LRATD1: variants seen among roughly 807,000 people sequenced by gnomAD.
LRATD1 encodes the protein protein LRATD1.
LRATD1 carries 8 observed loss-of-function variants against 21.3 expected under a neutral mutation model. The ratio of observed to expected loss-of-function variants is 0.38; its 90% CI spans 0.22 to 0.68. The LOEUF (loss-of-function observed/expected upper bound fraction) is 0.68, where lower values mean the gene tolerates loss of function less well. LRATD1 is among the 30% of genes least tolerant of loss of function. The probability of loss-of-function intolerance (pLI) is 0.54; values close to 1 mark genes in which losing one functional copy is unlikely to be tolerated. For missense variants in LRATD1, 380 were observed against 404.0 expected (o/e 0.94, Z 0.51); for synonymous variants, 210 against 186.2 (o/e 1.13, Z -1.04).
At chr2:14,643,626 T>C (rs994586821), downstream of LRATD1, among the ~76,000 whole-genome samples, 10 of 152,196 alleles carry the variant, frequency 6.6e-5, no homozygotes, top group African/African-American at 1.9e-4. Flanking sequence ...GTAAAAGTCC[T>C]CCTCATCCAG....
downstream of LRATD1, among the ~76,000 whole-genome samples, chr2:14,642,731 G>T (rs543147526): frequency 6.6e-6 from 1 of 152,074 alleles, no homozygotes; most frequent in Admixed American, 6.6e-5. Context: ...TTTGATTGAC[G>T]GTTGGACCTC....
intron 2 of LRATD1, among the ~76,000 whole-genome samples, chr2:14,645,105 T>C (rs1258161924): frequency 1.3e-5 from 2 of 152,312 alleles, no homozygotes; most frequent in East Asian, 1.9e-4. Flanking sequence ...ATATAAATAA[T>C]TGAATTTCTT....
In LRATD1 at chr2:14,639,103, T is replaced by TACACACAC. The variant is rs34456742; in HGVS notation, c.*4263_*4270dup. Reference sequence around the variant, plus strand: ...ATAGCTAGCAATTATTTCATTCAGATACACACACACACACACACACACACA... The same window carrying TACACACAC: ...ATAGCTAGCAATTATTTCATTCAGATACACACACACACACACACACACACACACACACA... On this transcript the variant is annotated 3_prime_UTR_variant, in exon 2 of 2. Transcript: ENST00000295092. 1.9e-5 allele frequency: 3 copies of TACACACAC among 159,678 alleles called. No individual in the cohort carries two copies. Among genetic ancestry groups the TACACACAC allele is most frequent in the African/African-American group, 7.5e-5 (3 of 40,258 alleles). The allele number at this position is 159,678 out of a possible 1,614,324, so 9.9% of individuals were successfully genotyped here. A position where few individuals can be genotyped will look rare whatever the true frequency, so the allele number is the denominator to read the frequency against.
rs370916643 is a variant in LRATD1 at position 14,634,237 on chromosome 2, T to C, written c.258T>C (p.Phe86=). 74 of 1,611,826 alleles carry C rather than the reference T, an allele frequency of 4.6e-5. No individual in the cohort carries two copies. Among genetic ancestry groups the C allele is most frequent in the Non-Finnish European group, 5.4e-5 (64 of 1,179,858 alleles). The change falls in exon 2 of 2, where the codon TTT becomes TTC. Residue 86 remains phenylalanine, a synonymous_variant. Transcript: ENST00000295092. The part of the protein sequence containing the change: ...LHQLVLNETQ[F]SAFRGQECIF... ...AGCTGGTCCTCAACGAGACTCAGTT[T>C]TCCGCCTTTCGGGGCCAGGAATGCA...
rs151113082 is a variant in LRATD1, at chr2:14,634,677, C to T, written c.698C>T (p.Pro233Leu). Residue 233 changes from proline to leucine, a missense_variant, in exon 2 of 2, where the codon CCG becomes CTG. Transcript: ENST00000295092. ...GAGTTCAAGGCGGGAGGGGAGGTGCCGGCAGGCACGCAGCCCCCGCAGCAG... is the reference window on the plus strand; with the variant it reads ...GAGTTCAAGGCGGGAGGGGAGGTGCTGGCAGGCACGCAGCCCCCGCAGCAG... ...KREFKAGGEV[P>L]AGTQPPQQQY... The T allele has an allele frequency of 3.2e-6, 5 of 1,548,672 alleles. No homozygotes were observed. Among genetic ancestry groups the T allele is most frequent in the Non-Finnish European group, 4.4e-6 (5 of 1,146,226 alleles).
chr2:14,646,995 T>C (rs776659903), intron 4 of LRATD1, among the ~76,000 whole-genome samples: 1 of 152,196 alleles, frequency 6.6e-6, no homozygotes, highest in Non-Finnish European at 1.5e-5. Flanking sequence ...GAAAGGACAT[T>C]GGACTTGAAA....
Position 14,634,939 on chromosome 2 carries a change from G to C in LRATD1, c.*81G>C, listed in dbSNP as rs1428752300. On this transcript the variant is annotated 3_prime_UTR_variant, in exon 2 of 2. Coordinates refer to ENST00000295092, the MANE Select transcript of LRATD1 (RefSeq NM_145175.4). Reference sequence around the variant, plus strand: ...CCCGCACCCGGACTTCGCAGTCAGCGGTTCTCAACCTCTGCCCCGCCCCGC... The same window carrying C: ...CCCGCACCCGGACTTCGCAGTCAGCCGTTCTCAACCTCTGCCCCGCCCCGC... 2.7e-6 allele frequency: 4 copies of C among 1,484,418 alleles called. No homozygotes were observed. The highest frequency in any genetic ancestry group is 2.5e-5 in the East Asian group (1 of 40,580). The allele number at this position is 1,484,418 out of a possible 1,614,324, so 92.0% of individuals were successfully genotyped here. A position where few individuals can be genotyped will look rare whatever the true frequency, so the allele number is the denominator to read the frequency against.
In LRATD1 at chr2:14,634,455, G is replaced by T; in HGVS notation, c.476G>T (p.Gly159Val). The T allele has an allele frequency of 6.6e-7, 1 of 1,521,830 alleles. No individual in the cohort carries two copies. The highest frequency in any genetic ancestry group is 8.8e-7 in the Non-Finnish European group (1 of 1,137,358). The allele number at this position is 1,521,830 out of a possible 1,614,324, so 94.3% of individuals were successfully genotyped here. ...GGGCAGATCATCCACCTGCACCAAG[G>T]CGAGATCCGCCAGGACAGCCTGTAT... ...GGGQIIHLHQ[G>V]EIRQDSLYEA... Residue 159 changes from glycine to valine, a missense_variant, in exon 2 of 2, where the codon GGC becomes GTC. Physicochemically the swap from Gly to Val is moderately radical, Grantham distance 109. Coordinates refer to ENST00000295092, the MANE Select transcript of LRATD1 (RefSeq NM_145175.4).
In LRATD1 at chr2:14,638,789, T is replaced by G. The variant is rs1671746931; in HGVS notation, c.*3931T>G. The G allele has an allele frequency of 6.0e-6, 1 of 166,982 alleles. No individual in the cohort carries two copies. The highest frequency in any genetic ancestry group is 2.1e-4 in the South Asian group (1 of 4,828). 10.3% of individuals were successfully genotyped at this position (166,982 alleles called of 1,614,324 possible). ...CTCTTTTTTGAACAAATGAAGAGAA[T>G]CCAGTTAGTTTTTGCCTTTCAGAGG... On this transcript the variant is annotated 3_prime_UTR_variant, in exon 2 of 2. Coordinates refer to ENST00000295092, the MANE Select transcript of LRATD1 (RefSeq NM_145175.4).
At chr2:14,643,077 C>T (rs1410798021), downstream of LRATD1, among the ~76,000 whole-genome samples, 9 of 152,194 alleles carry the variant, frequency 5.9e-5, no homozygotes, top group South Asian at 4.1e-4. Flanking sequence ...ATTTGGGATT[C>T]GAAATCCAGG....
Position 14,633,251 on chromosome 2 carries a change from G to C in LRATD1, c.-37+314G>C, listed in dbSNP as rs74742552. 6.6e-6 allele frequency among the ~76,000 whole-genome samples: 1 copy of C among 152,150 alleles called. No individual in the cohort carries two copies. The highest frequency in any genetic ancestry group is 1.5e-5 in the Non-Finnish European group (1 of 68,036). On this transcript the variant is annotated intron_variant, in intron 1 of 1. Coordinates refer to ENST00000295092, the MANE Select transcript of LRATD1 (RefSeq NM_145175.4). This position sits in a 1 kb window ranked among gnomAD's most constrained non-coding sequence, Gnocchi z 7.5. ...GGCAGGTGTGCCCGGGTGCTTGGGC[G>C]TACGTGCAACGGCGAGCGTGCAAGC...
chr2:14,642,972 G>A (rs1010823299), downstream of LRATD1, among the ~76,000 whole-genome samples: 6 of 152,114 alleles, frequency 3.9e-5, no homozygotes, highest in Non-Finnish European at 5.9e-5. Context: ...TCTAAGACAA[G>A]CTACTTTAAT....
Position 14,639,029 on chromosome 2 carries a change from T to C in LRATD1, c.*4171T>C. 3 of 167,004 alleles carry C rather than the reference T, an allele frequency of 1.8e-5. No homozygotes were observed. The allele number at this position is 167,004 out of a possible 1,614,324, so 10.3% of individuals were successfully genotyped here. On this transcript the variant is annotated 3_prime_UTR_variant, in exon 2 of 2. Coordinates refer to ENST00000295092, the MANE Select transcript of LRATD1 (RefSeq NM_145175.4). ...ACACATATGTAAGTATACACTCATA[T>C]ACATATATACACATGTATATATACT...
At chr2:14,643,597 TCTC>T (rs1226699569), downstream of LRATD1, among the ~76,000 whole-genome samples, 1 of 152,198 alleles carries the variant, frequency 6.6e-6, no homozygotes, top group Admixed American at 6.5e-5. Context: ...GGAGCATTCT[TCTC>T]CTCTACTTGG....
chr2:14,649,358 A>G lies in LRATD1; in HGVS notation n.479A>G, dbSNP rs1449776180. On this transcript the variant is annotated non_coding_transcript_exon_variant, in exon 5 of 6. Coordinates refer to the LRATD1 transcript ENST00000464947. The stretch of plus-strand genomic sequence containing the variant: ...TTTGTCTCATGGATGCTCTTAGGAG[A>G]CCCACCAACCACCAACTCCTTGTAT... The G allele has an allele frequency of 1.3e-5, 6 of 456,320 alleles. No homozygotes were observed. The Admixed American group carries it at 1.4e-4, about 11-fold the overall frequency. The allele number at this position is 456,320 out of a possible 1,614,324, so 28.3% of individuals were successfully genotyped here.
rs959869221 is a variant in LRATD1 at position 14,638,658 on chromosome 2, A to C, written c.*3800A>C. On this transcript the variant is annotated 3_prime_UTR_variant, in exon 2 of 2. Coordinates refer to ENST00000295092, the MANE Select transcript of LRATD1 (RefSeq NM_145175.4). The stretch of plus-strand genomic sequence containing the variant: ...AAGAGTTAAATGTCTTAGTCATCTA[A>C]TACATGGAACAGGGTCAAACTTCAA... The C allele has an allele frequency of 1.8e-5, 3 of 167,044 alleles. No homozygotes were observed. Among genetic ancestry groups the C allele is most frequent in the African/African-American group, 7.2e-5 (3 of 41,448 alleles). The allele number at this position is 167,044 out of a possible 1,614,324, so 10.3% of individuals were successfully genotyped here. A position where few individuals can be genotyped will look rare whatever the true frequency, so the allele number is the denominator to read the frequency against.
chr2:14,643,017 A>G (rs7559666), downstream of LRATD1, among the ~76,000 whole-genome samples: 61,399 of 152,010 alleles, frequency 0.4, 13,540 homozygotes, highest in African/African-American at 0.6. Context: ...TGTTGAGAAA[A>G]AAAGTGTCAA....
At chr2:14,644,938 CA>C (rs1358014491), downstream of LRATD1, among the ~76,000 whole-genome samples, 1 of 152,132 alleles carries the variant, frequency 6.6e-6, no homozygotes, top group Non-Finnish European at 1.5e-5. Flanking sequence ...TGAGGTGCAA[CA>C]GTTGCTAAAA....
chr2:14,648,781 A>G (rs1671939058), intron 4 of LRATD1, among the ~76,000 whole-genome samples: 1 of 152,162 alleles, frequency 6.6e-6, no homozygotes, highest in Non-Finnish European at 1.5e-5. Flanking sequence ...GTAGCTTCCA[A>G]CTAGCTTCTC....
Sources: gnomAD v4.1 joint callset for allele counts (sites outside exome capture counted in the v4.1 genomes callset) on GRCh38, gnomAD v4.1.1 for gene constraint, Gnocchi (gnomAD v3.1) non-coding constraint, MANE v1.5 for transcripts, NCBI Gene and HGNC (gene_info 2026-07-23, HGNC 2026-07-21) for gene names.